Variants in CDH12 observed in about 807,000 individuals in gnomAD.
CDH12 encodes cadherin 12, also known as cadherin-12.
Under a neutral mutation model 74.1 loss-of-function variants are expected in CDH12, and 41 were observed. The ratio of observed to expected loss-of-function variants is 0.55; its 90% CI spans 0.43 to 0.72. CDH12 has a LOEUF of 0.72. CDH12 is among the 30% of genes least tolerant of loss of function. The pLI is 0.00. For synonymous variants in CDH12, 399 were observed against 355.0 expected, an observed-to-expected ratio of 1.12 and a Z score of -1.39; for missense variants, 945 against 977.2, an observed-to-expected ratio of 0.97 and a Z score of 0.44.
intron 1 of CDH12, among the ~76,000 whole-genome samples, chr5:22,683,881 C>T (rs1741626121): frequency 6.6e-6 from 1 of 152,198 alleles, no homozygotes; most frequent in Non-Finnish European, 1.5e-5. Flanking sequence ...AAGAAGTAAC[C>T]TTGAGATTTC....
At chr5:22,561,719 A>G (rs1739057729) in intron 1 of CDH12, among the ~76,000 whole-genome samples, 1 of 152,174 alleles carries the variant, frequency 6.6e-6, no homozygotes, top group Non-Finnish European at 1.5e-5. Context: ...AGGGAGCTAA[A>G]TAGAATCTGG....
chr5:22,624,113 T>A (rs1343721825), intron 1 of CDH12, among the ~76,000 whole-genome samples: 1 of 152,200 alleles, frequency 6.6e-6, no homozygotes, highest in Non-Finnish European at 1.5e-5. Flanking sequence ...GCTAGCCATA[T>A]GTAGAAAGCT....
intron 2 of CDH12, among the ~76,000 whole-genome samples, chr5:22,470,292 G>A (rs553105890): frequency 1.4e-3 from 215 of 152,154 alleles, no homozygotes; most frequent in African/African-American, 5.0e-3. Flanking sequence ...TGAAGGTTAG[G>A]AAGCCATTTT....
At chr5:22,836,213 C>CTCTT (rs1402972549) in intron 1 of CDH12, among the ~76,000 whole-genome samples, 91 of 37,884 alleles carry the variant, frequency 2.4e-3, no homozygotes, top group Non-Finnish European at 3.7e-3. Flanking sequence ...TTCTTTTTTT[C>CTCTT]TTTCTTTCTC....
At chr5:22,766,571 A>T (rs987537417) in intron 1 of CDH12, among the ~76,000 whole-genome samples, 2 of 152,102 alleles carry the variant, frequency 1.3e-5, no homozygotes, top group African/African-American at 2.4e-5. Flanking sequence ...GGAGAAGAGA[A>T]AAAGAGACCC....
chr5:22,636,741 TG>T (rs1738861081), intron 1 of CDH12, among the ~76,000 whole-genome samples: 1 of 152,208 alleles, frequency 6.6e-6, no homozygotes, highest in Admixed American at 6.5e-5. Context: ...ACTTAGTTTT[TG>T]CTTACGGTTG....
intron 2 of CDH12, among the ~76,000 whole-genome samples, chr5:22,438,224 T>C: frequency 6.6e-6 from 1 of 152,036 alleles, no homozygotes; most frequent in East Asian, 1.9e-4. Flanking sequence ...TGTACTTTCT[T>C]TTCAGTCCTC....
intron 4 of CDH12, among the ~76,000 whole-genome samples, chr5:22,132,073 A>G (rs973362405): frequency 2.0e-5 from 3 of 152,006 alleles, no homozygotes; most frequent in Non-Finnish European, 4.4e-5. Context: ...TTATACTACT[A>G]TTTCAATCTC....
At chr5:22,847,916 C>T (rs1737380378) in intron 1 of CDH12, among the ~76,000 whole-genome samples, 1 of 151,630 alleles carries the variant, frequency 6.6e-6, no homozygotes, top group African/African-American at 2.4e-5. Flanking sequence ...CCGAGTCTCA[C>T]TCTGTCGCCC....
intron 6 of CDH12, among the ~76,000 whole-genome samples, chr5:21,861,158 T>A (rs907553518): frequency 2.0e-5 from 3 of 151,924 alleles, no homozygotes; most frequent in African/African-American, 7.2e-5. Context: ...TATGACTTTT[T>A]AAGCCACTGT....
intron 1 of CDH12, among the ~76,000 whole-genome samples, chr5:22,549,252 C>G (rs1226692139): frequency 6.6e-6 from 1 of 151,954 alleles, no homozygotes; most frequent in Non-Finnish European, 1.5e-5. Context: ...AGATTATAGA[C>G]CTGAGCCACC....
At chr5:21,865,545 G>A (rs1397143099) in intron 6 of CDH12, among the ~76,000 whole-genome samples, 1 of 152,140 alleles carries the variant, frequency 6.6e-6, no homozygotes, top group East Asian at 1.9e-4. Flanking sequence ...CAGACTCACT[G>A]CTGAGAACTA....
At chr5:21,772,182 C>T (rs896800652) in intron 11 of CDH12, among the ~76,000 whole-genome samples, 9 of 151,964 alleles carry the variant, frequency 5.9e-5, no homozygotes, top group Admixed American at 5.2e-4. Flanking sequence ...TCAAAAGTAC[C>T]GGTAAGATCA....
intron 2 of CDH12, among the ~76,000 whole-genome samples, chr5:22,443,246 C>T (rs989461185): frequency 1.3e-5 from 2 of 152,138 alleles, no homozygotes; most frequent in East Asian, 1.9e-4. Context: ...TTAATTAAGG[C>T]TAACAGCACA....
At chr5:22,359,145 A>T (rs1043508108) in intron 3 of CDH12, among the ~76,000 whole-genome samples, 9 of 152,188 alleles carry the variant, frequency 5.9e-5, no homozygotes, top group African/African-American at 2.2e-4. Flanking sequence ...AAACTGGATA[A>T]AGAGTCAAGA....
chr5:22,164,066 T>G (rs1396133928), intron 4 of CDH12, among the ~76,000 whole-genome samples: 1 of 152,224 alleles, frequency 6.6e-6, no homozygotes, highest in African/African-American at 2.4e-5. Context: ...AAGTACATCC[T>G]GCCCAAAACT....
intron 6 of CDH12, among the ~76,000 whole-genome samples, chr5:21,962,544 C>CT (rs1461199767): frequency 6.6e-6 from 1 of 151,988 alleles, no homozygotes; most frequent in African/African-American, 2.4e-5. Context: ...CTATTGACTG[C>CT]TTTTTTCCCC....
In CDH12 at chr5:21,802,423, G is replaced by A. The variant is rs10063754; in HGVS notation, c.1003-3C>T. The stretch of plus-strand genomic sequence containing the variant: ...TTCTTTGTTTCAAAATCTAAAGGCT[G>A]TAGTGAGGACAAATTAAGAATAAGG... On this transcript the variant is annotated splice_region_variant and splice_polypyrimidine_tract_variant and intron_variant, in intron 9 of 14. Transcript: ENST00000382254. 6,173 of 1,610,752 alleles carry A rather than the reference G, an allele frequency of 3.8e-3. 144 individuals carry two copies. In the African/African-American group the frequency reaches 0.059, roughly 15 times the overall value.
chr5:22,600,964 T>C (rs1025769181), intron 1 of CDH12, among the ~76,000 whole-genome samples: 5 of 152,088 alleles, frequency 3.3e-5, no homozygotes, highest in Non-Finnish European at 5.9e-5. Flanking sequence ...TATGATGTGG[T>C]TATTTATATT....
Sources: allele counts gnomAD v4.1 joint callset (sites outside exome capture counted in the v4.1 genomes callset), GRCh38; gene constraint gnomAD v4.1.1; transcripts MANE v1.5; gene names NCBI Gene and HGNC (gene_info 2026-07-23, HGNC 2026-07-21).